PPFIA2: variants seen among roughly 807,000 people sequenced by gnomAD.
PPFIA2 encodes PPFI scaffold protein A2.
A neutral mutation model predicts 175.5 loss-of-function variants in PPFIA2; 46 were observed. The observed-to-expected ratio is 0.26, with a 90% CI of 0.21 to 0.34. The LOEUF is 0.34. Among genes scored for constraint, PPFIA2 ranks in the 10% least tolerant of loss-of-function variants. The probability of loss-of-function intolerance (pLI) is 1.00; values close to 1 mark genes in which losing one functional copy is unlikely to be tolerated. For synonymous variants in PPFIA2, 568 were observed against 511.4 expected (o/e 1.11, Z -1.49); for missense variants, 1,179 against 1,506.1 (o/e 0.78, Z 3.60).
intron 21 of PPFIA2, among the ~76,000 whole-genome samples, chr12:81,330,370 T>C (rs114793245): frequency 0.026 from 3,902 of 152,282 alleles, 178 homozygotes; most frequent in African/African-American, 0.09. Context: ...CAAAAAATTA[T>C]GTAATGTTCT....
At chr12:81,381,413 G>A (rs2037676705) in intron 9 of PPFIA2, among the ~76,000 whole-genome samples, 1 of 152,204 alleles carries the variant, frequency 6.6e-6, no homozygotes, top group Non-Finnish European at 1.5e-5. Context: ...TTTTTAAATA[G>A]GCAGTTAGAA....
At chr12:81,755,788 G>A (rs2084556034) in intron 2 of PPFIA2, among the ~76,000 whole-genome samples, 1 of 152,076 alleles carries the variant, frequency 6.6e-6, no homozygotes, top group South Asian at 2.1e-4. Flanking sequence ...CTGAAGGCAG[G>A]AATTTAATTT....
intron 8 of PPFIA2, among the ~76,000 whole-genome samples, chr12:81,399,991 C>CA (rs1349459063): frequency 6.6e-6 from 1 of 151,646 alleles, no homozygotes; most frequent in Non-Finnish European, 1.5e-5. Flanking sequence ...TTGATGAACA[C>CA]AAAAAAATGA....
At chr12:81,407,414 C>T (rs1217681582) in intron 7 of PPFIA2, among the ~76,000 whole-genome samples, 8 of 151,202 alleles carry the variant, frequency 5.3e-5, no homozygotes, top group Admixed American at 4.0e-4. Flanking sequence ...ACCTGGGAGG[C>T]GGAGATTGCA....
intron 4 of PPFIA2, among the ~76,000 whole-genome samples, chr12:81,549,922 A>G (rs1279464927): frequency 2.6e-5 from 4 of 151,898 alleles, no homozygotes; most frequent in African/African-American, 9.7e-5. Context: ...CGCTTGACTA[A>G]ACCATCCCCA....
Position 81,477,128 on chromosome 12 carries a change from G to A in PPFIA2, c.304-19262C>T, listed in dbSNP as rs140151795. On this transcript the variant is annotated intron_variant, in intron 4 of 32. Transcript: ENST00000549396. The stretch of plus-strand genomic sequence containing the variant: ...GCTGTGCTTAATACTTAGGTGATGG[G>A]TTGATGGGGGCAGCTAACCACCACA... 2.3e-3 allele frequency among the ~76,000 whole-genome samples: 346 copies of A among 152,040 alleles called. 1 individual carries two copies. The highest frequency in any genetic ancestry group is 3.4e-3 in the Non-Finnish European group (234 of 67,994).
chr12:81,584,343 T>G (rs1417188686), intron 4 of PPFIA2, among the ~76,000 whole-genome samples: 1 of 151,888 alleles, frequency 6.6e-6, no homozygotes, highest in Admixed American at 6.6e-5. Flanking sequence ...CATATATCAT[T>G]TAGGATTTCA....
chr12:81,618,590 G>A (rs537757973), intron 4 of PPFIA2, among the ~76,000 whole-genome samples: 2 of 139,418 alleles, frequency 1.4e-5, no homozygotes, highest in African/African-American at 2.7e-5. Context: ...GTGCAGTGGC[G>A]CGACCTCGGC....
intron 4 of PPFIA2, among the ~76,000 whole-genome samples, chr12:81,617,444 G>T (rs190125686): frequency 2.0e-5 from 3 of 152,116 alleles, no homozygotes; most frequent in Admixed American, 6.5e-5. Context: ...TATTGTGCCT[G>T]CCCCTTCAAC....
At chr12:81,336,438 GATCCTTCC>G (rs1400256729) in intron 21 of PPFIA2, among the ~76,000 whole-genome samples, 1 of 152,122 alleles carries the variant, frequency 6.6e-6, no homozygotes, top group Non-Finnish European at 1.5e-5. Flanking sequence ...CACATCGACT[GATCCTTCC>G]TATCTGAAGT....
At chr12:81,542,893 C>A (rs1001393107) in intron 4 of PPFIA2, among the ~76,000 whole-genome samples, 1 of 152,054 alleles carries the variant, frequency 6.6e-6, no homozygotes, top group Non-Finnish European at 1.5e-5. Flanking sequence ...TATAAAACTA[C>A]CTTCAGTCAT....
intron 28 of PPFIA2, among the ~76,000 whole-genome samples, chr12:81,272,640 G>A (rs983195737): frequency 1.3e-5 from 2 of 151,606 alleles, no homozygotes; most frequent in African/African-American, 4.8e-5. Flanking sequence ...TCTTTTTTCT[G>A]ATTTTATCAT....
intron 19 of PPFIA2, among the ~76,000 whole-genome samples, 186 bp from the exon 20 acceptor site, chr12:81,341,394 A>T (rs1401250942): frequency 3.9e-5 from 6 of 152,034 alleles, no homozygotes; most frequent in Admixed American, 3.3e-4. Flanking sequence ...ACAAATATTT[A>T]AATTGGACAC....
chr12:81,311,749 A>AAAAGAAAG (rs1256034829), intron 22 of PPFIA2, among the ~76,000 whole-genome samples: 4 of 143,030 alleles, frequency 2.8e-5, no homozygotes, highest in African/African-American at 1.1e-4. Context: ...AAAAAAAAAA[A>AAAAGAAAG]AAAGAAAGAA....
Position 81,353,247 on chromosome 12 carries a change from A to T in PPFIA2, c.1866T>A (p.Asp622Glu), listed in dbSNP as rs1267936904. The change falls in exon 17 of 33, where the codon GAT (aspartate) becomes GAA (glutamate). Residue 622 changes from aspartate (D) to glutamate (E), a missense_variant. By Grantham distance (45) the Asp-to-Glu change is conservative (BLOSUM62 2). This residue lies in a region of PPFIA2 where 186 missense variants were observed against 163.6 expected (regional missense o/e 1.14). Transcript: ENST00000549396. Reference sequence around the variant, plus strand: ...TTGTTTCTCTGTCATCATCATCAATATCAGACATTTCAGTGTCACTTTCAA... The same window carrying T: ...TTGTTTCTCTGTCATCATCATCAATTTCAGACATTTCAGTGTCACTTTCAA... ...HPFESDTEMS[D>E]IDDDDRETIF... 3 of 1,613,674 alleles carry T rather than the reference A, an allele frequency of 1.9e-6. No individual in the cohort carries two copies. Among genetic ancestry groups the T allele is most frequent in the Non-Finnish European group, 2.5e-6 (3 of 1,179,792 alleles).
chr12:81,612,535 T>A (rs1038560737), intron 4 of PPFIA2, among the ~76,000 whole-genome samples: 7 of 152,192 alleles, frequency 4.6e-5, no homozygotes, highest in Non-Finnish European at 8.8e-5. Flanking sequence ...CAGTCTTTCT[T>A]CCAAGATCAA....
chr12:81,364,050 CAG>C (rs2032134419), intron 14 of PPFIA2, among the ~76,000 whole-genome samples: 2 of 151,676 alleles, frequency 1.3e-5, no homozygotes, highest in African/African-American at 4.8e-5. Context: ...AAGGAGAAAA[CAG>C]GGGAGTCATG....
In PPFIA2 at chr12:81,527,886, A is replaced by C. The variant is rs148970822; in HGVS notation, c.304-70020T>G. Among the ~76,000 whole-genome samples, 1,156 of 152,162 alleles carry C rather than the reference A, an allele frequency of 7.6e-3. 14 individuals carry two copies. The highest frequency in any genetic ancestry group is 0.026 in the African/African-American group (1,063 of 41,526). On this transcript the variant is annotated intron_variant, in intron 4 of 32. Transcript: ENST00000549396. Reference sequence around the variant, plus strand: ...ATGAATGAAAATCTGCTGGGCTTTCACCAGACACCAAATCTGCTGACACTT... The same window carrying C: ...ATGAATGAAAATCTGCTGGGCTTTCCCCAGACACCAAATCTGCTGACACTT...
In PPFIA2 at chr12:81,357,889, G is replaced by GA. The variant is rs545248587; in HGVS notation, c.1773+192dup. ...TAATGTTATATGAATAAATACATGGGAAATGCTTATTCAACTTTGGGCCCA... is the reference window on the plus strand; with the variant it reads ...TAATGTTATATGAATAAATACATGGGAAAATGCTTATTCAACTTTGGGCCCA... On this transcript the variant is annotated intron_variant, in intron 16 of 32. Transcript: ENST00000549396. 2.6e-3 allele frequency among the ~76,000 whole-genome samples: 395 copies of GA among 152,210 alleles called. 3 individuals carry two copies. Among genetic ancestry groups the GA allele is most frequent in the Non-Finnish European group, 4.2e-3 (285 of 68,006 alleles).
Sources: gnomAD v4.1 joint callset for allele counts (sites outside exome capture counted in the v4.1 genomes callset) on GRCh38, gnomAD v4.1.1 for gene constraint, gnomAD v4.1.1 regional missense constraint, MANE v1.5 for transcripts, NCBI Gene and HGNC (gene_info 2026-07-23, HGNC 2026-07-21) for gene names.